KATNAL2: variants seen among roughly 807,000 people sequenced by gnomAD.
The protein encoded by KATNAL2 is katanin p60 ATPase-containing subunit A-like 2.
In KATNAL2, 52 loss-of-function variants were observed where a neutral mutation model predicts 76.3. The ratio of observed to expected loss-of-function variants is 0.68; its 90% CI spans 0.55 to 0.86. KATNAL2 has a LOEUF of 0.86. KATNAL2 is among the 40% of genes least tolerant of loss of function. KATNAL2 has a pLI of 0.00. For synonymous variants in KATNAL2, 243 were observed against 244.2 expected (o/e 1.00, Z 0.05); for missense variants, 660 against 668.9 (o/e 0.99, Z 0.15).
chr18:46,943,200 G>A (rs1394770909), intron 1 of KATNAL2, among the ~76,000 whole-genome samples: 2 of 152,054 alleles, frequency 1.3e-5, no homozygotes, highest in East Asian at 1.9e-4. Context: ...AAGACCCAAG[G>A]AGACTCCTAT....
intron 1 of KATNAL2, among the ~76,000 whole-genome samples, chr18:46,936,750 G>T (rs1337070188): frequency 6.6e-6 from 1 of 152,090 alleles, no homozygotes; most frequent in Non-Finnish European, 1.5e-5. Flanking sequence ...TGAGGAGTTC[G>T]AGACCAGCCT....
In KATNAL2 at chr18:47,046,474, A is replaced by T. The variant is rs974209975; in HGVS notation, c.69A>T (p.Glu23Asp). The change falls in exon 4 of 18, where the codon GAA becomes GAT. Residue 23 changes from glutamate to aspartate, a missense_variant. Physicochemically the swap from Glu to Asp is conservative, Grantham distance 45. Transcript: ENST00000683218. ...QAREACEMRT[E>D]ARRKNLLILI... Reference sequence around the variant, plus strand: ...TGTTCCAGTGCGAGATGAGGACAGAAGCACGACGAAAAAATCTTCTCATTT... The same window carrying T: ...TGTTCCAGTGCGAGATGAGGACAGATGCACGACGAAAAAATCTTCTCATTT... 10 of 1,535,900 alleles carry T rather than the reference A, an allele frequency of 6.5e-6. No homozygotes were observed. The Admixed American group carries it at 1.2e-4, about 18-fold the overall frequency.
At chr18:47,084,183 G>C (rs563099973) in intron 15 of KATNAL2, 1 of 548,482 alleles carries the variant, frequency 1.8e-6, no homozygotes, top group African/African-American at 1.9e-5. Context: ...GAAACCCGCC[G>C]GGGCAACTGC....
chr18:47,052,118 T>G (rs565473628), intron 4 of KATNAL2, among the ~76,000 whole-genome samples: 1 of 152,324 alleles, frequency 6.6e-6, no homozygotes, highest in East Asian at 1.9e-4. Flanking sequence ...AGTTAAGAAC[T>G]AAAATTTAAG....
At chr18:47,056,233 G>T (rs2061467960) in intron 6 of KATNAL2, among the ~76,000 whole-genome samples, 1 of 152,176 alleles carries the variant, frequency 6.6e-6, no homozygotes, top group East Asian at 1.9e-4. Context: ...TCTAACAAGA[G>T]TTACAACAAA....
At chr18:46,923,672 C>T (rs936208529) in intron 1 of KATNAL2, among the ~76,000 whole-genome samples, 1 of 152,198 alleles carries the variant, frequency 6.6e-6, no homozygotes, top group Non-Finnish European at 1.5e-5. Context: ...AATGGTTGAA[C>T]TAGTTTACAG....
intron 3 of KATNAL2, among the ~76,000 whole-genome samples, chr18:46,961,901 G>C (rs182196184): frequency 2.6e-5 from 4 of 152,324 alleles, no homozygotes; most frequent in African/African-American, 9.6e-5. Context: ...TGAGAATGTA[G>C]ATGGGGGTTT....
rs2063427544 is a variant in KATNAL2, at chr18:47,100,893, T to C, written c.1505T>C (p.Leu502Ser). 9 of 1,614,188 alleles carry C rather than the reference T, an allele frequency of 5.6e-6. No homozygotes were observed. Among genetic ancestry groups the C allele is most frequent in the Non-Finnish European group, 7.6e-6 (9 of 1,180,030 alleles). ...AGCAGCGACTTACCCAGGATCCAGT[T>C]GGATATAGTAACCACTGCCGACTTT... Reference protein sequence around the residue: ...SESSDLPRIQLDIVTTADFLD... With the variant: ...SESSDLPRIQSDIVTTADFLD... The change falls in exon 18 of 18, where the codon TTG becomes TCG. Residue 502 changes from leucine (L) to serine (S), a missense_variant. Physicochemically the swap from Leu to Ser is moderately radical, Grantham distance 145. Transcript: ENST00000683218.
chr18:47,033,936 C>T (rs759432782), intron 3 of KATNAL2: 7 of 1,612,784 alleles, frequency 4.3e-6, no homozygotes, highest in Non-Finnish European at 5.1e-6. Context: ...CAGCGCCGGC[C>T]GCCTGCAGCC....
intron 3 of KATNAL2, among the ~76,000 whole-genome samples, chr18:46,956,604 T>C (rs1670900707): frequency 6.6e-6 from 1 of 151,644 alleles, no homozygotes; most frequent in Non-Finnish European, 1.5e-5. Context: ...TACTGGTTGC[T>C]TTCTTCCCCC....
intron 1 of KATNAL2, among the ~76,000 whole-genome samples, chr18:46,941,728 G>A (rs925349879): frequency 1.2e-4 from 18 of 152,122 alleles, no homozygotes; most frequent in African/African-American, 4.3e-4. Context: ...ACATTAGAAT[G>A]CCTAATATTA....
chr18:46,958,468 T>A (rs1010112397), intron 3 of KATNAL2, among the ~76,000 whole-genome samples: 1 of 152,178 alleles, frequency 6.6e-6, no homozygotes, highest in Non-Finnish European at 1.5e-5. Context: ...TACATACACA[T>A]GTGCATGCGT....
intron 1 of KATNAL2, among the ~76,000 whole-genome samples, chr18:46,933,433 G>A (rs2058993635): frequency 6.6e-6 from 1 of 152,086 alleles, no homozygotes; most frequent in Non-Finnish European, 1.5e-5. Flanking sequence ...TATTTAATAT[G>A]AGGCCCCATA....
At chr18:47,100,796 T>C (rs2063423695) in intron 17 of KATNAL2, 70 bp from the exon 18 acceptor site, 4 of 1,552,966 alleles carry the variant, frequency 2.6e-6, no homozygotes, top group South Asian at 1.1e-5. Context: ...AGAAGGTCTA[T>C]TAGCGTTTCA....
intron 1 of KATNAL2, chr18:46,920,271 C>T (rs1339795601): frequency 2.6e-6 from 1 of 378,954 alleles, no homozygotes; most frequent in Non-Finnish European, 5.3e-6. Flanking sequence ...CATTTATAGG[C>T]TTTGCCAAGT....
chr18:46,921,908 C>T (rs1019787238), intron 1 of KATNAL2, among the ~76,000 whole-genome samples: 1 of 152,030 alleles, frequency 6.6e-6, no homozygotes, highest in African/African-American at 2.4e-5. Flanking sequence ...CTGATTACTT[C>T]CTCTCTCCCT....
intron 3 of KATNAL2, among the ~76,000 whole-genome samples, chr18:47,043,226 CAAAAA>C (rs1195140135): frequency 2.4e-5 from 1 of 41,684 alleles, no homozygotes; most frequent in East Asian, 9.7e-4. Context: ...GACTCCGTTT[CAAAAA>C]AAAAAAAAAA....
chr18:47,067,748 A>T (rs55916944), intron 11 of KATNAL2, among the ~76,000 whole-genome samples: 4,407 of 152,322 alleles, frequency 0.029, 87 homozygotes, highest in Middle Eastern at 0.048. Context: ...ATAACAGACC[A>T]CCCCACAACT....
chr18:46,961,906 G>A (rs948681721), intron 3 of KATNAL2, among the ~76,000 whole-genome samples: 2 of 152,172 alleles, frequency 1.3e-5, no homozygotes, highest in Non-Finnish European at 2.9e-5. Flanking sequence ...ATGTAGATGG[G>A]GGTTTGCTAC....
Sources: allele counts gnomAD v4.1 joint callset (sites outside exome capture counted in the v4.1 genomes callset), GRCh38; gene constraint gnomAD v4.1.1; transcripts MANE v1.5; gene names NCBI Gene and HGNC (gene_info 2026-07-23, HGNC 2026-07-21).